PCDH15: variants seen among roughly 807,000 people sequenced by gnomAD.
The protein encoded by PCDH15 is protocadherin-15.
In PCDH15, 129 loss-of-function variants were observed where a neutral mutation model predicts 178.5. The observed-to-expected ratio is 0.72, with a 90% CI of 0.63 to 0.84. PCDH15 has a LOEUF of 0.84. Ranked by LOEUF, PCDH15 falls within the 40% of genes least tolerant of loss-of-function variation. The probability of loss-of-function intolerance (pLI) is 0.00; values close to 1 mark genes in which losing one functional copy is unlikely to be tolerated. For missense variants in PCDH15, 2,230 were observed against 2,099.9 expected (o/e 1.06, Z -1.21); for synonymous variants, 800 against 732.0 (o/e 1.09, Z -1.50).
At chr10:55,295,074 T>C (rs1388734152) in intron 1 of PCDH15, among the ~76,000 whole-genome samples, 1 of 152,194 alleles carries the variant, frequency 6.6e-6, no homozygotes, top group Non-Finnish European at 1.5e-5. Flanking sequence ...TGAAGTCTGT[T>C]TTCTGATAAC....
intron 20 of PCDH15, among the ~76,000 whole-genome samples, chr10:54,013,499 C>A (rs796088047): frequency 6.6e-6 from 1 of 152,054 alleles, no homozygotes; most frequent in South Asian, 2.1e-4. Context: ...ATTGACCACA[C>A]AATTGGACAT....
intron 2 of PCDH15, among the ~76,000 whole-genome samples, chr10:55,453,955 T>C (rs992720103): frequency 2.0e-5 from 3 of 152,100 alleles, no homozygotes; most frequent in Admixed American, 6.6e-5. Context: ...TAAAATCCCA[T>C]ATACAATAAA....
intron 25 of PCDH15, among the ~76,000 whole-genome samples, chr10:53,919,518 A>G (rs563505690): frequency 2.0e-5 from 3 of 152,274 alleles, no homozygotes; most frequent in African/African-American, 7.2e-5. Flanking sequence ...CTGTAATAAC[A>G]TTGTACATAT....
chr10:54,302,876 T>C (rs2060225513), intron 8 of PCDH15, among the ~76,000 whole-genome samples: 1 of 152,130 alleles, frequency 6.6e-6, no homozygotes, highest in South Asian at 2.1e-4. Flanking sequence ...CCTCTTATCA[T>C]GATGTGACTA....
intron 2 of PCDH15, among the ~76,000 whole-genome samples, chr10:54,925,977 A>G (rs983031303): frequency 2.0e-5 from 3 of 152,102 alleles, no homozygotes; most frequent in African/African-American, 7.2e-5. Flanking sequence ...AGTACTTCCA[A>G]TACTGTGTGT....
At chr10:55,293,192 T>A (rs900463213) in intron 1 of PCDH15, among the ~76,000 whole-genome samples, 1 of 152,158 alleles carries the variant, frequency 6.6e-6, no homozygotes, top group African/African-American at 2.4e-5. Flanking sequence ...CCTGAAGCCA[T>A]GGCTTGAGCT....
chr10:53,828,734 C>A (rs1001174272), intron 30 of PCDH15, among the ~76,000 whole-genome samples, 161 bp from the exon 31 acceptor site: 1 of 151,880 alleles, frequency 6.6e-6, no homozygotes, highest in Non-Finnish European at 1.5e-5. Context: ...GATATCAATT[C>A]AAAAGGTGAA....
chr10:55,032,045 T>C (rs1273258030), intron 2 of PCDH15, among the ~76,000 whole-genome samples: 3 of 152,084 alleles, frequency 2.0e-5, no homozygotes, highest in South Asian at 2.1e-4. Context: ...AAGCCTCTAT[T>C]GATATAAACT....
At chr10:54,828,297 C>T (rs1358591764) in intron 3 of PCDH15, among the ~76,000 whole-genome samples, 1 of 151,920 alleles carries the variant, frequency 6.6e-6, no homozygotes, top group East Asian at 1.9e-4. Flanking sequence ...AAATAAACTT[C>T]TCTGGGTACT....
At chr10:55,084,233 A>G (rs1397669145) in intron 2 of PCDH15, among the ~76,000 whole-genome samples, 1 of 151,796 alleles carries the variant, frequency 6.6e-6, no homozygotes, top group Non-Finnish European at 1.5e-5. Context: ...TAGACAAAAA[A>G]AGACATAGAC....
intron 3 of PCDH15, among the ~76,000 whole-genome samples, chr10:54,453,323 C>T (rs1177951453): frequency 1.3e-5 from 2 of 152,044 alleles, no homozygotes; most frequent in Non-Finnish European, 2.9e-5. Flanking sequence ...TACTATGCAG[C>T]CATAAAAATG....
Position 55,429,426 on chromosome 10 carries a change from C to T in PCDH15, c.-156+198199G>A, listed in dbSNP as rs77344228. Among the ~76,000 whole-genome samples, 1,001 of 152,214 alleles carry T rather than the reference C, an allele frequency of 6.6e-3. 11 individuals are homozygous for T. The highest frequency in any genetic ancestry group is 0.021 in the African/African-American group (889 of 41,560). On this transcript the variant is annotated intron_variant, in intron 2 of 5. Coordinates refer to the PCDH15 transcript ENST00000613346. ...ATTGGTCTGCTTTTTTCCTCTTTCA[C>T]TGTTTCTGATGAGAACTCTGCTGTC... is the stretch of plus-strand genomic sequence containing the variant.
At chr10:55,533,184 C>G (rs1039212375) in intron 2 of PCDH15, among the ~76,000 whole-genome samples, 1 of 152,040 alleles carries the variant, frequency 6.6e-6, no homozygotes, top group Admixed American at 6.6e-5. Context: ...AGGATGCCCT[C>G]TCTTACACTC....
intron 2 of PCDH15, among the ~76,000 whole-genome samples, chr10:55,159,730 T>A (rs1360227886): frequency 1.4e-5 from 2 of 147,828 alleles, no homozygotes; most frequent in East Asian, 3.9e-4. Context: ...TATTGTATAT[T>A]ATGTATATAT....
At chr10:54,787,582 A>G (rs1566253969) in intron 1 of PCDH15, among the ~76,000 whole-genome samples, 2 of 152,108 alleles carry the variant, frequency 1.3e-5, no homozygotes, top group South Asian at 4.1e-4. Flanking sequence ...ACTCTTCTCC[A>G]GGCATCAAGA....
intron 1 of PCDH15, among the ~76,000 whole-genome samples, chr10:54,721,616 G>A (rs938703209): frequency 5.9e-5 from 9 of 151,736 alleles, no homozygotes; most frequent in African/African-American, 2.2e-4. Flanking sequence ...AATCTAGAAA[G>A]CTTAGAGAAA....
At chr10:54,497,774 A>G (rs1289990316) in intron 3 of PCDH15, among the ~76,000 whole-genome samples, 1 of 152,140 alleles carries the variant, frequency 6.6e-6, no homozygotes, top group East Asian at 1.9e-4. Flanking sequence ...AATTAAGAAA[A>G]TGAACAAAAC....
At chr10:54,061,032 C>T (rs976746331) in intron 18 of PCDH15, among the ~76,000 whole-genome samples, 3 of 152,050 alleles carry the variant, frequency 2.0e-5, no homozygotes, top group Admixed American at 6.5e-5. Context: ...TCATGCTCTG[C>T]TGTTGTATAT....
chr10:55,111,343 T>A (rs961599607), intron 2 of PCDH15, among the ~76,000 whole-genome samples: 1 of 152,184 alleles, frequency 6.6e-6, no homozygotes, highest in Non-Finnish European at 1.5e-5. Flanking sequence ...TGAAGATAGA[T>A]TTCTTTTAAT....
Sources: allele counts gnomAD v4.1 joint callset (sites outside exome capture counted in the v4.1 genomes callset), GRCh38; gene constraint gnomAD v4.1.1; transcripts MANE v1.5; gene names NCBI Gene and HGNC (gene_info 2026-07-23, HGNC 2026-07-21).